CAMTA1: variants seen among roughly 807,000 people sequenced by gnomAD.
CAMTA1 encodes calmodulin-binding transcription activator 1.
Under a neutral mutation model 170.9 loss-of-function variants are expected in CAMTA1, and 27 were observed. That is an observed-to-expected ratio of 0.16 (90% CI 0.12 to 0.22). CAMTA1 has a LOEUF of 0.22. CAMTA1 is among the 10% of genes least tolerant of loss of function. CAMTA1 has a pLI of 1.00. For synonymous variants in CAMTA1, 833 were observed against 891.5 expected (o/e 0.93, Z 1.17); for missense variants, 1,619 against 2,217.2 (o/e 0.73, Z 5.42).
chr1:7,497,221 T>C (rs1575623656), intron 6 of CAMTA1, among the ~76,000 whole-genome samples: 1 of 152,198 alleles, frequency 6.6e-6, no homozygotes, highest in East Asian at 1.9e-4. Context: ...GAGGCCCCAA[T>C]CCCCACCCAT....
intron 3 of CAMTA1, among the ~76,000 whole-genome samples, chr1:6,959,056 G>C (rs1689944004): frequency 6.6e-6 from 1 of 152,180 alleles, no homozygotes; most frequent in African/African-American, 2.4e-5. Context: ...AACCATGCTG[G>C]TCTCTTGACC....
chr1:6,997,346 T>C (rs533043356), intron 3 of CAMTA1, among the ~76,000 whole-genome samples: 1 of 152,322 alleles, frequency 6.6e-6, no homozygotes, highest in African/African-American at 2.4e-5. Flanking sequence ...CTATTTCTTT[T>C]TGCAGCCCTG....
In CAMTA1 at chr1:6,797,163, G is replaced by T. The variant is rs533165252; in HGVS notation, c.45+11588G>T. On this transcript the variant is annotated intron_variant, in intron 1 of 22. Coordinates refer to ENST00000303635, the MANE Select transcript of CAMTA1 (RefSeq NM_015215.4). Reference sequence around the variant, plus strand: ...TGTGTCACTGCAGCCTCCACTTCTCGGGCCTAAGCAGTCCTCCTGCCTCAG... The same window carrying T: ...TGTGTCACTGCAGCCTCCACTTCTCTGGCCTAAGCAGTCCTCCTGCCTCAG... Among the ~76,000 whole-genome samples, 121 of 152,076 alleles carry T rather than the reference G, an allele frequency of 8.0e-4. 1 individual carries two copies. Among genetic ancestry groups the T allele is most frequent in the Middle Eastern group, 6.8e-3 (2 of 294 alleles).
At chr1:6,851,618 C>T (rs1159119062) in intron 3 of CAMTA1, among the ~76,000 whole-genome samples, 1 of 152,166 alleles carries the variant, frequency 6.6e-6, no homozygotes, top group Non-Finnish European at 1.5e-5. Flanking sequence ...GTGGCTCACT[C>T]CTGTGATCCC....
At chr1:6,968,608 G>A (rs984891265) in intron 3 of CAMTA1, among the ~76,000 whole-genome samples, 1 of 152,170 alleles carries the variant, frequency 6.6e-6, no homozygotes, top group African/African-American at 2.4e-5. Context: ...TGTGATCGAT[G>A]TGTGTCTCGG....
At chr1:7,625,820 T>G (rs1418205488) in intron 6 of CAMTA1, among the ~76,000 whole-genome samples, 1 of 152,200 alleles carries the variant, frequency 6.6e-6, no homozygotes, top group Non-Finnish European at 1.5e-5. Flanking sequence ...GGGCCTGGCC[T>G]GCTGCAGCAG....
chr1:7,277,456 G>GGTGTGTGTGTGTGT (rs57970990), intron 5 of CAMTA1, among the ~76,000 whole-genome samples: 92 of 135,366 alleles, frequency 6.8e-4, no homozygotes, highest in African/African-American at 2.3e-3. Context: ...TCCAAGCAAT[G>GGTGTGTGTGTGTGT]GTGTGTGTGT....
chr1:7,038,392 A>T (rs755711259), intron 3 of CAMTA1, among the ~76,000 whole-genome samples: 3 of 152,342 alleles, frequency 2.0e-5, no homozygotes, highest in Non-Finnish European at 1.5e-5. Flanking sequence ...ACAGAGATCA[A>T]TGCCATATAT....
chr1:7,154,015 G>A (rs1646726453), intron 4 of CAMTA1, among the ~76,000 whole-genome samples: 3 of 152,196 alleles, frequency 2.0e-5, no homozygotes, highest in Admixed American at 1.3e-4. Flanking sequence ...TGTCCTGTGT[G>A]TACCTGGGGA....
chr1:7,465,453 C>T (rs1173105150), intron 5 of CAMTA1, among the ~76,000 whole-genome samples: 1 of 151,302 alleles, frequency 6.6e-6, no homozygotes, highest in Non-Finnish European at 1.5e-5. Flanking sequence ...CTTCCCATCC[C>T]TCCCACCATC....
At chr1:7,329,678 T>C (rs1247725355) in intron 5 of CAMTA1, among the ~76,000 whole-genome samples, 1 of 152,180 alleles carries the variant, frequency 6.6e-6, no homozygotes, top group Non-Finnish European at 1.5e-5. Flanking sequence ...TGTGATGGTA[T>C]TGAGATGAGG....
chr1:7,598,377 A>G (rs555075984), intron 6 of CAMTA1, among the ~76,000 whole-genome samples: 2 of 152,318 alleles, frequency 1.3e-5, no homozygotes, highest in East Asian at 1.9e-4. Context: ...CCTATTGTGA[A>G]TAGTGCCACA....
intron 1 of CAMTA1, among the ~76,000 whole-genome samples, chr1:6,819,693 G>A (rs1004284099): frequency 3.3e-5 from 5 of 152,182 alleles, no homozygotes; most frequent in African/African-American, 1.2e-4. Flanking sequence ...AGCTTGCAGT[G>A]CAAAGAACGG....
intron 4 of CAMTA1, among the ~76,000 whole-genome samples, chr1:7,246,670 CTTTTTTT>C (rs34382670): frequency 1.4e-4 from 10 of 73,924 alleles, no homozygotes; most frequent in South Asian, 6.3e-4. Flanking sequence ...CTCTGACCTG[CTTTTTTT>C]TTTTTTTTTT....
chr1:6,825,036 T>C (rs1393319991), intron 2 of CAMTA1, 56 bp from the exon 3 acceptor site: 17 of 1,095,044 alleles, frequency 1.6e-5, no homozygotes, highest in Non-Finnish European at 2.3e-5. Context: ...GTCAGTGTAC[T>C]TTAAAGGAGA....
intron 5 of CAMTA1, among the ~76,000 whole-genome samples, chr1:7,308,235 T>C (rs1675892402): frequency 8.0e-6 from 1 of 124,406 alleles, no homozygotes; most frequent in Non-Finnish European, 1.7e-5. Flanking sequence ...AGGTTTTGTC[T>C]TCTTTCTTTT....
chr1:7,383,774 TGAG>T (rs149672745), intron 5 of CAMTA1, among the ~76,000 whole-genome samples: 3,818 of 151,776 alleles, frequency 0.025, 116 homozygotes, highest in African/African-American at 0.074. Flanking sequence ...AGAATGATGA[TGAG>T]GAGGAGGATG....
chr1:7,116,199 T>A (rs1232506685), intron 4 of CAMTA1, among the ~76,000 whole-genome samples: 1 of 152,144 alleles, frequency 6.6e-6, no homozygotes, highest in Admixed American at 6.5e-5. Context: ...ACGGGTAACC[T>A]CCAGTTCTTC....
intron 5 of CAMTA1, among the ~76,000 whole-genome samples, chr1:7,411,369 G>A (rs1035798379): frequency 6.6e-5 from 10 of 152,184 alleles, no homozygotes; most frequent in Admixed American, 2.0e-4. Context: ...GAAACCCCAT[G>A]TCTACTGAAA....
Sources: allele counts gnomAD v4.1 joint callset (sites outside exome capture counted in the v4.1 genomes callset), GRCh38; gene constraint gnomAD v4.1.1; transcripts MANE v1.5; gene names NCBI Gene and HGNC (gene_info 2026-07-23, HGNC 2026-07-21).